HIRA: variants seen among roughly 807,000 people sequenced by gnomAD.
The protein encoded by HIRA is histone cell cycle regulator.
HIRA carries 13 observed loss-of-function variants against 126.6 expected under a neutral mutation model. The ratio of observed to expected loss-of-function variants is 0.10; its 90% CI spans 0.07 to 0.16. HIRA has a LOEUF of 0.16. Among genes scored for constraint, HIRA ranks in the 10% least tolerant of loss-of-function variants. The probability of loss-of-function intolerance (pLI) is 1.00; values close to 1 mark genes in which losing one functional copy is unlikely to be tolerated. For missense variants in HIRA, 834 were observed against 1,314.4 expected, an observed-to-expected ratio of 0.63 and a Z score of 5.65; for synonymous variants, 511 against 520.0, an observed-to-expected ratio of 0.98 and a Z score of 0.24.
intron 15 of HIRA, among the ~76,000 whole-genome samples, chr22:19,371,486 A>G (rs965846027): frequency 4.6e-5 from 7 of 152,132 alleles, no homozygotes; most frequent in African/African-American, 7.2e-5. Context: ...TGAGATATAT[A>G]TATCATAAAC....
At chr22:19,423,525 AT>A (rs1482020535) in intron 1 of HIRA, among the ~76,000 whole-genome samples, 1 of 33,448 alleles carries the variant, frequency 3.0e-5, no homozygotes, top group African/African-American at 1.4e-4. Context: ...ACACACACAC[AT>A]ATTTTCAGCT....
chr22:19,356,125 C>A, intron 20 of HIRA, 105 bp downstream of exon 20: 1 of 1,099,176 alleles, frequency 9.1e-7, no homozygotes, highest in South Asian at 1.3e-5. Flanking sequence ...CACTGAGAGC[C>A]CTGGGCTGAG....
intron 16 of HIRA, 40 bp downstream of exon 16, chr22:19,361,687 A>T (rs2088865518): frequency 1.3e-6 from 2 of 1,590,472 alleles, no homozygotes; most frequent in Non-Finnish European, 1.7e-6. Context: ...AAGTACAGAA[A>T]GGTGGGCTAA....
chr22:19,414,310 G>A lies in HIRA; in HGVS notation c.38-3532C>T, dbSNP rs148899742. 1.2e-4 allele frequency among the ~76,000 whole-genome samples: 19 copies of A among 152,272 alleles called. No individual in the cohort carries two copies. The East Asian group carries it at 3.7e-3, about 29-fold the overall frequency. Reference sequence around the variant, plus strand: ...CTGGGATTATGACAGGGCATGCTCAGGTAGAATCGTACCCTCCTTCACACT... The same window carrying A: ...CTGGGATTATGACAGGGCATGCTCAAGTAGAATCGTACCCTCCTTCACACT... On this transcript the variant is annotated intron_variant, in intron 1 of 24. Coordinates refer to ENST00000263208, the MANE Select transcript of HIRA (RefSeq NM_003325.4).
Position 19,390,368 on chromosome 22 carries a change from G to A in HIRA, c.936+1733C>T, listed in dbSNP as rs144389490. On this transcript the variant is annotated intron_variant, in intron 9 of 24. Coordinates refer to ENST00000263208, the MANE Select transcript of HIRA (RefSeq NM_003325.4). ...AGTACTTTGGGAGGCCAAGGCGGGC[G>A]GATCACCTGAGGTCAGGAGTTTGTG... 2.4e-4 allele frequency among the ~76,000 whole-genome samples: 37 copies of A among 152,034 alleles called. No individual in the cohort carries two copies. The East Asian group carries it at 5.4e-3, about 22-fold the overall frequency.
chr22:19,400,801 T>C (rs2089261904), intron 5 of HIRA, among the ~76,000 whole-genome samples: 2 of 152,174 alleles, frequency 1.3e-5, no homozygotes, highest in South Asian at 4.1e-4. Flanking sequence ...TCCCTTCTGA[T>C]GACCGTGGCT....
intron 14 of HIRA, 60 bp downstream of exon 14, chr22:19,377,809 A>G: frequency 7.0e-7 from 1 of 1,426,790 alleles, no homozygotes; most frequent in South Asian, 1.4e-5. Context: ...TCTGTCCTCA[A>G]AACTATGTGC....
At chr22:19,431,411 G>C in intron 1 of HIRA, 29 bp downstream of exon 1, 2 of 1,606,496 alleles carry the variant, frequency 1.2e-6, no homozygotes, top group East Asian at 2.2e-5. Context: ...CTCCGGGCTC[G>C]GCCTCCCGCG....
At chr22:19,428,243 T>G (rs1026754886) in intron 1 of HIRA, among the ~76,000 whole-genome samples, 8 of 152,162 alleles carry the variant, frequency 5.3e-5, no homozygotes, top group African/African-American at 1.9e-4. Context: ...CTTAGACAAG[T>G]GCTTCTCAAT....
intron 1 of HIRA, among the ~76,000 whole-genome samples, chr22:19,429,697 T>A (rs940431470): frequency 1.3e-5 from 2 of 152,198 alleles, no homozygotes; most frequent in East Asian, 1.9e-4. Context: ...CACTTAAGCA[T>A]CTTGACTTAC....
At chr22:19,382,491 T>C (rs1345302197) in intron 13 of HIRA, among the ~76,000 whole-genome samples, 1 of 152,216 alleles carries the variant, frequency 6.6e-6, no homozygotes, top group African/African-American at 2.4e-5. Flanking sequence ...CCAGCAGACC[T>C]GGTTCTTGCT....
chr22:19,424,550 G>A (rs1463865378), intron 1 of HIRA, among the ~76,000 whole-genome samples: 2 of 152,216 alleles, frequency 1.3e-5, no homozygotes, highest in African/African-American at 4.8e-5. Context: ...GTCCCATGCT[G>A]TACCACGTGG....
chr22:19,387,597 A>T, intron 11 of HIRA, 114 bp downstream of exon 11: 1 of 674,738 alleles, frequency 1.5e-6, no homozygotes, highest in Non-Finnish European at 2.6e-6. Flanking sequence ...ATTACATGTT[A>T]AGAAATGACT....
chr22:19,373,105 T>C (rs1258143430), intron 15 of HIRA, among the ~76,000 whole-genome samples: 1 of 152,208 alleles, frequency 6.6e-6, no homozygotes, highest in African/African-American at 2.4e-5. Flanking sequence ...TAATCCAAGG[T>C]CACATAGATT....
rs540554735 is a variant in HIRA at position 19,346,590 on chromosome 22, C to G, written c.2937+4768G>C. ...ATATTCTTTGTACAGAGGGAGAAAA[C>G]CTGCTCATTTTCCCAGCCTCCCTTG... On this transcript the variant is annotated intron_variant, in intron 24 of 24. Transcript: ENST00000263208. Among the ~76,000 whole-genome samples, 6 of 152,350 alleles carry G rather than the reference C, an allele frequency of 3.9e-5. 1 individual carries two copies. The highest frequency in any genetic ancestry group is 1.3e-4 in the Admixed American group (2 of 15,304).
Position 19,356,984 on chromosome 22 carries a change from G to C in HIRA, c.2302C>G (p.Leu768Val). ...SVFSTCGRRL[L>V]SPILLPSPIS... ...GGGGATGGCAGGAGGATGGGAGAGA[G>C]GAGACGGCGACCACAGGTGGAGAAC... Residue 768 changes from leucine (L) to valine (V), a missense_variant, in exon 19 of 25, where the codon CTC (leucine) becomes GTC (valine). Around this residue, in one of 5 missense-constraint regions of HIRA, gnomAD observed 468 missense variants for 574.2 expected, o/e 0.82. Coordinates refer to ENST00000263208, the MANE Select transcript of HIRA (RefSeq NM_003325.4). 1 of 1,613,916 alleles carries C rather than the reference G, an allele frequency of 6.2e-7. No individual in the cohort carries two copies. Among genetic ancestry groups the C allele is most frequent in the Non-Finnish European group, 8.5e-7 (1 of 1,179,976 alleles).
rs2089453588 is a variant in HIRA at position 19,422,201 on chromosome 22, T to TATATACAC, written c.37+9238_37+9239insGTGTATAT. Among the ~76,000 whole-genome samples the TATATACAC allele has an allele frequency of 8.8e-4, 118 of 133,788 alleles. 4 individuals carry two copies. The South Asian group carries it at 0.018, about 20-fold the overall frequency. The allele number at this position is 133,788 out of a possible 152,430, so 87.8% of individuals were successfully genotyped here. A position where few individuals can be genotyped will look rare whatever the true frequency, so the allele number is the denominator to read the frequency against. ...ACACACACACACACACACATACACA[T>TATATACAC]ATATATATATACATATATATATTAC... On this transcript the variant is annotated intron_variant, in intron 1 of 24. Transcript: ENST00000263208.
chr22:19,410,663 G>T, intron 2 of HIRA, 53 bp downstream of exon 2: 1 of 1,334,976 alleles, frequency 7.5e-7, no homozygotes, highest in South Asian at 1.2e-5. Flanking sequence ...AGCAGGAGAA[G>T]AGCAAGGTGG....
chr22:19,405,961 AG>A, intron 4 of HIRA, 81 bp from the exon 5 acceptor site: 1 of 881,582 alleles, frequency 1.1e-6, no homozygotes, highest in Non-Finnish European at 1.6e-6. Context: ...CCAGCTTATC[AG>A]GGCACACAGA....
Sources: gnomAD v4.1 joint callset for allele counts (sites outside exome capture counted in the v4.1 genomes callset) on GRCh38, gnomAD v4.1.1 for gene constraint, gnomAD v4.1.1 regional missense constraint, MANE v1.5 for transcripts, NCBI Gene and HGNC (gene_info 2026-07-23, HGNC 2026-07-21) for gene names.